Variants in CACNA1E observed in about 807,000 individuals in gnomAD.
CACNA1E encodes the protein voltage-dependent R-type calcium channel subunit alpha-1E.
Under a neutral mutation model 259.2 loss-of-function variants are expected in CACNA1E, and 40 were observed. That is an observed-to-expected ratio of 0.15 (90% CI 0.12 to 0.20). The LOEUF (loss-of-function observed/expected upper bound fraction) is 0.20. Among genes scored for constraint, CACNA1E ranks in the 10% least tolerant of loss-of-function variants. The probability of loss-of-function intolerance (pLI) is 1.00; values close to 1 mark genes in which losing one functional copy is unlikely to be tolerated. For synonymous variants in CACNA1E, 1,104 were observed against 1,138.5 expected (o/e 0.97, Z 0.61); for missense variants, 1,874 against 3,040.1 (o/e 0.62, Z 9.02).
At position 181,770,679 on chromosome 1, in the gene CACNA1E, T is replaced by C. The variant is rs59701978; in HGVS notation, c.4882-614T>C. ...ATACATGTGGACATATATAAATATA[T>C]GCATGTGGATATATGTGTGTTCAAT... On this transcript the variant is annotated intron_variant, in intron 35 of 47. Coordinates refer to ENST00000367573, the MANE Select transcript of CACNA1E (RefSeq NM_001205293.3). Among the ~76,000 whole-genome samples the C allele has an allele frequency of 1.2e-4, 19 of 152,358 alleles. No homozygotes were observed. The East Asian group carries it at 3.3e-3, about 26-fold the overall frequency.
At chr1:181,673,664 C>T (rs763481553) in intron 7 of CACNA1E, among the ~76,000 whole-genome samples, 6 of 152,092 alleles carry the variant, frequency 3.9e-5, no homozygotes, top group African/African-American at 7.2e-5. Flanking sequence ...ATAGGGCCAG[C>T]GGATGGAAGC....
intron 7 of CACNA1E, among the ~76,000 whole-genome samples, chr1:181,658,248 G>A (rs1258149998): frequency 1.3e-5 from 2 of 152,196 alleles, no homozygotes; most frequent in Non-Finnish European, 2.9e-5. Flanking sequence ...AGTGCCTTGT[G>A]TCTGACCACA....
At chr1:181,741,928 T>C (rs1656614590) in intron 25 of CACNA1E, among the ~76,000 whole-genome samples, 1 of 152,214 alleles carries the variant, frequency 6.6e-6, no homozygotes, top group Non-Finnish European at 1.5e-5. Context: ...CACTTGCTTT[T>C]AGTCATGTTA....
intron 7 of CACNA1E, among the ~76,000 whole-genome samples, chr1:181,709,311 C>T (rs971829189): frequency 1.4e-4 from 22 of 152,212 alleles, no homozygotes; most frequent in Non-Finnish European, 2.4e-4. Context: ...TCCTTCCCTT[C>T]CCCCATAGCA....
chr1:181,605,366 G>T (rs144463770), intron 6 of CACNA1E, among the ~76,000 whole-genome samples: 52 of 152,302 alleles, frequency 3.4e-4, no homozygotes, highest in Middle Eastern at 3.4e-3. Context: ...CTGCCTATGT[G>T]CATTGTCTTC....
chr1:181,414,157 G>C (rs1658087267), intron 2 of CACNA1E, among the ~76,000 whole-genome samples: 1 of 152,118 alleles, frequency 6.6e-6, no homozygotes, highest in Non-Finnish European at 1.5e-5. Context: ...CTTCTTAGGA[G>C]TCCTAAATTA....
chr1:181,391,759 A>C (rs1354707693), intron 1 of CACNA1E, among the ~76,000 whole-genome samples: 1 of 152,088 alleles, frequency 6.6e-6, no homozygotes, highest in Non-Finnish European at 1.5e-5. Context: ...TGGTGCAGTA[A>C]ATTTCAGGCA....
rs1663497503 is a variant in CACNA1E, at chr1:181,483,582, TGCTGCTGCCTCTCC to T, written c.-161_-148del. The T allele has an allele frequency of 4.6e-6, 2 of 431,594 alleles. No homozygotes were observed. The highest frequency in any genetic ancestry group is 8.0e-5 in the Admixed American group (2 of 24,978). The allele number at this position is 431,594 out of a possible 1,614,324, so 26.7% of individuals were successfully genotyped here. On this transcript the variant is annotated 5_prime_UTR_variant, in exon 1 of 48. Transcript: ENST00000367573. ...TCAACAGTTCACAGCGGCGGGCTGCTGCTGCTGCCTCTCCGAAGAGCTCGCGGAGCTCCCCAGAG... is the reference window on the plus strand; with the variant it reads ...TCAACAGTTCACAGCGGCGGGCTGCTGAAGAGCTCGCGGAGCTCCCCAGAG...
intron 6 of CACNA1E, among the ~76,000 whole-genome samples, chr1:181,629,566 C>T (rs1572423233): frequency 6.6e-6 from 1 of 152,056 alleles, no homozygotes; most frequent in Non-Finnish European, 1.5e-5. Flanking sequence ...ATATAAATTA[C>T]AAATTTTTTA....
At chr1:181,444,343 A>G (rs1304599546) in intron 2 of CACNA1E, among the ~76,000 whole-genome samples, 3 of 148,292 alleles carry the variant, frequency 2.0e-5, no homozygotes, top group Non-Finnish European at 4.5e-5. Context: ...AAAAAAAAAG[A>G]TTTTTCTTTA....
chr1:181,722,663 T>A (rs1654517590), intron 16 of CACNA1E, among the ~76,000 whole-genome samples: 1 of 152,226 alleles, frequency 6.6e-6, no homozygotes, highest in African/African-American at 2.4e-5. Flanking sequence ...TATTTGCATG[T>A]GATTTATAAT....
intron 25 of CACNA1E, among the ~76,000 whole-genome samples, chr1:181,746,120 C>T (rs2102631489): frequency 6.6e-6 from 1 of 152,288 alleles, no homozygotes; most frequent in South Asian, 2.1e-4. Flanking sequence ...CCAAGAAATG[C>T]TGAGGCATGG....
chr1:181,348,684 G>A (rs1384598143), intron 1 of CACNA1E, among the ~76,000 whole-genome samples: 2 of 152,222 alleles, frequency 1.3e-5, no homozygotes, highest in Non-Finnish European at 2.9e-5. Flanking sequence ...CAAGCCAGAT[G>A]TCCAGGAAAA....
intron 1 of CACNA1E, among the ~76,000 whole-genome samples, chr1:181,385,784 T>C (rs1053634488): frequency 6.6e-6 from 1 of 150,496 alleles, no homozygotes; most frequent in Non-Finnish European, 1.5e-5. Flanking sequence ...CCCTCCCTCC[T>C]TTCTTCCCTC....
intron 6 of CACNA1E, among the ~76,000 whole-genome samples, chr1:181,621,585 AC>A (rs1192244280): frequency 6.6e-6 from 1 of 152,240 alleles, no homozygotes; most frequent in Non-Finnish European, 1.5e-5. Context: ...ACACATATCC[AC>A]ATTGCAAGTC....
At chr1:181,441,650 A>G (rs1660484607) in intron 2 of CACNA1E, among the ~76,000 whole-genome samples, 2 of 152,294 alleles carry the variant, frequency 1.3e-5, no homozygotes, top group South Asian at 4.1e-4. Flanking sequence ...AAGTCATCAT[A>G]TCGGATATGG....
chr1:181,383,402 T>C (rs1359003274), intron 1 of CACNA1E, among the ~76,000 whole-genome samples: 1 of 152,218 alleles, frequency 6.6e-6, no homozygotes, highest in Non-Finnish European at 1.5e-5. Flanking sequence ...CTGATTCATT[T>C]ATCTCTACAC....
intron 2 of CACNA1E, among the ~76,000 whole-genome samples, chr1:181,450,448 G>A (rs1473888786): frequency 6.6e-6 from 1 of 151,486 alleles, no homozygotes; most frequent in African/African-American, 2.4e-5. Context: ...GTGTGTGTAT[G>A]TGTGTGTGTG....
intron 27 of CACNA1E, among the ~76,000 whole-genome samples, chr1:181,754,894 C>T (rs1282607940): frequency 6.6e-6 from 1 of 152,212 alleles, no homozygotes. Flanking sequence ...AATATTCCTT[C>T]CAGCTATACA....
Sources: gnomAD v4.1 joint callset for allele counts (sites outside exome capture counted in the v4.1 genomes callset) on GRCh38, gnomAD v4.1.1 for gene constraint, MANE v1.5 for transcripts, NCBI Gene and HGNC (gene_info 2026-07-23, HGNC 2026-07-21) for gene names.